NRXN3: variants seen among roughly 807,000 people sequenced by gnomAD.
NRXN3 encodes neurexin 3.
NRXN3 carries 32 observed loss-of-function variants against 137.6 expected under a neutral mutation model. The observed-to-expected ratio is 0.23, with a 90% confidence interval of 0.18 to 0.31. NRXN3 has a LOEUF of 0.31. Among genes scored for constraint, NRXN3 ranks in the 10% least tolerant of loss-of-function variants. The pLI, the probability that NRXN3 is intolerant of heterozygous loss-of-function variation, is 1.00. For missense variants in NRXN3, 1,574 were observed against 2,062.5 expected (o/e 0.76, Z 4.59); for synonymous variants, 798 against 784.5 (o/e 1.02, Z -0.29).
chr14:79,072,358 GT>G (rs2099688952), intron 15 of NRXN3: 2 of 152,204 alleles, frequency 1.3e-5, no homozygotes. Flanking sequence ...GTGGTTAACA[GT>G]GGTGTCCTGA....
chr14:79,230,866 T>G (rs972410990), intron 15 of NRXN3, among the ~76,000 whole-genome samples: 1 of 152,136 alleles, frequency 6.6e-6, no homozygotes, highest in Non-Finnish European at 1.5e-5. Context: ...AGTCTCCTTT[T>G]ACTCATCTGT....
intron 8 of NRXN3, among the ~76,000 whole-genome samples, chr14:78,771,115 A>G (rs547612466): frequency 8.3e-4 from 127 of 152,200 alleles, no homozygotes; most frequent in Admixed American, 1.6e-3. Flanking sequence ...ATTGTGCAGA[A>G]CCCCTTCAGA....
chr14:79,214,219 T>C lies in NRXN3; in HGVS notation c.3262+226078T>C, dbSNP rs150034867. On this transcript the variant is annotated intron_variant, in intron 15 of 20. Coordinates refer to ENST00000335750, the MANE Select transcript of NRXN3 (RefSeq NM_001330195.2). ...AGAATATATAGAGAGAAGGTGGCAG[T>C]GAGGACAATTCTGTGGTCACCTGGA... 9.9e-4 allele frequency among the ~76,000 whole-genome samples: 151 copies of C among 152,348 alleles called. 2 individuals are homozygous for C. The East Asian group carries it at 0.026, about 26-fold the overall frequency.
intron 1 of NRXN3, among the ~76,000 whole-genome samples, chr14:78,199,897 C>T (rs1289734519): frequency 6.6e-6 from 1 of 152,172 alleles, no homozygotes; most frequent in Non-Finnish European, 1.5e-5. Flanking sequence ...GTGGCTCTCC[C>T]CCTGCAGTGG....
At chr14:79,348,379 T>TTTC (rs2093009938) in intron 15 of NRXN3, among the ~76,000 whole-genome samples, 1 of 37,980 alleles carries the variant, frequency 2.6e-5, no homozygotes, top group East Asian at 5.6e-4. Flanking sequence ...ATCTTCTCTC[T>TTTC]TTTTTTTTTT....
intron 15 of NRXN3, among the ~76,000 whole-genome samples, chr14:79,065,159 A>G (rs951777590): frequency 5.3e-5 from 8 of 152,046 alleles, no homozygotes; most frequent in Admixed American, 2.6e-4. Flanking sequence ...AGTACAGTGT[A>G]CTATGTAAGT....
At chr14:78,689,688 A>G (rs1227833189) in intron 6 of NRXN3, among the ~76,000 whole-genome samples, 4 of 152,172 alleles carry the variant, frequency 2.6e-5, no homozygotes, top group Non-Finnish European at 4.4e-5. Flanking sequence ...TGGTGACTCA[A>G]TATCTTAATA....
intron 8 of NRXN3, among the ~76,000 whole-genome samples, chr14:78,717,933 A>G (rs548255974): frequency 6.6e-6 from 1 of 152,330 alleles, no homozygotes; most frequent in East Asian, 1.9e-4. Flanking sequence ...GGAAGGAGTG[A>G]TGGCCCAGAG....
chr14:78,840,781 G>A (rs915751731), intron 10 of NRXN3, among the ~76,000 whole-genome samples: 2 of 152,120 alleles, frequency 1.3e-5, no homozygotes, highest in East Asian at 1.9e-4. Flanking sequence ...TGCATCACTC[G>A]AAGAGAATTA....
intron 4 of NRXN3, among the ~76,000 whole-genome samples, chr14:78,538,672 G>C (rs1010889664): frequency 6.6e-5 from 6 of 90,872 alleles, no homozygotes; most frequent in African/African-American, 2.1e-4. Flanking sequence ...TGGTGAGAGA[G>C]GGCATCCCTG....
Position 78,967,351 on chromosome 14 carries a change from A to C in NRXN3, c.2921A>C (p.Lys974Thr), listed in dbSNP as rs1567848539. The part of the protein sequence containing the change: ...SNTHSLKVDT[K>T]VVTQVINGAK... The stretch of plus-strand genomic sequence containing the variant: ...ACTCATAGCCTGAAAGTGGACACCA[A>C]AGTGGTCACTCAGGTTATCAATGGT... Residue 974 changes from lysine (K) to threonine (T), a missense_variant, in exon 13 of 21, where the codon AAA becomes ACA. Physicochemically the swap from Lys to Thr is moderately conservative, Grantham distance 78. Transcript: ENST00000335750. The C allele has an allele frequency of 1.8e-5, 29 of 1,613,966 alleles. No homozygotes were observed. The highest frequency in any genetic ancestry group is 2.4e-5 in the Non-Finnish European group (28 of 1,179,888).
chr14:78,653,802 T>C (rs2097765798), intron 6 of NRXN3, among the ~76,000 whole-genome samples: 1 of 151,962 alleles, frequency 6.6e-6, no homozygotes, highest in Non-Finnish European at 1.5e-5. Context: ...TCATTCTGAA[T>C]AGCTTAAAAG....
At chr14:79,053,163 T>G (rs1439247061) in intron 15 of NRXN3, among the ~76,000 whole-genome samples, 4 of 152,184 alleles carry the variant, frequency 2.6e-5, no homozygotes, top group African/African-American at 9.7e-5. Context: ...TACATTTAAT[T>G]GTGGATAGGA....
chr14:79,345,078 T>A (rs1379921686), intron 15 of NRXN3, among the ~76,000 whole-genome samples: 2 of 152,174 alleles, frequency 1.3e-5, no homozygotes, highest in Non-Finnish European at 2.9e-5. Context: ...ACATCTCCAG[T>A]TTAACTGCAT....
chr14:78,842,962 AAC>A (rs1251108031), intron 10 of NRXN3, among the ~76,000 whole-genome samples: 1 of 152,092 alleles, frequency 6.6e-6, no homozygotes, highest in Non-Finnish European at 1.5e-5. Context: ...ATATTGTTCA[AAC>A]ACACATGCTC....
In NRXN3 at chr14:78,771,642, C is replaced by T. The variant is rs77125626; in HGVS notation, c.2045-31978C>T. 4.2e-3 allele frequency among the ~76,000 whole-genome samples: 645 copies of T among 152,232 alleles called. 31 individuals carry two copies. The East Asian group carries it at 0.11, about 27-fold the overall frequency. Reference sequence around the variant, plus strand: ...ATTCCTGGCAATAGGGAGCAACCTGCAGACAGGGAATAAGAATGTACACAG... The same window carrying T: ...ATTCCTGGCAATAGGGAGCAACCTGTAGACAGGGAATAAGAATGTACACAG... On this transcript the variant is annotated intron_variant, in intron 8 of 20. Coordinates refer to ENST00000335750, the MANE Select transcript of NRXN3 (RefSeq NM_001330195.2).
chr14:79,549,135 G>A (rs994154674), intron 16 of NRXN3, among the ~76,000 whole-genome samples: 1 of 152,066 alleles, frequency 6.6e-6, no homozygotes, highest in Non-Finnish European at 1.5e-5. Flanking sequence ...CTAATCATGG[G>A]TCATTTATCT....
intron 15 of NRXN3, among the ~76,000 whole-genome samples, chr14:79,334,977 C>A (rs2092132009): frequency 6.6e-6 from 1 of 152,050 alleles, no homozygotes; most frequent in Admixed American, 6.6e-5. Context: ...GGCCCTAGAG[C>A]CAAATAAATA....
chr14:78,238,015 T>C (rs2066547516), intron 1 of NRXN3, among the ~76,000 whole-genome samples: 2 of 151,900 alleles, frequency 1.3e-5, no homozygotes, highest in African/African-American at 4.8e-5. Context: ...CAAGCTCAGC[T>C]AAAGCTCCAG....
Sources: allele counts gnomAD v4.1 joint callset (sites outside exome capture counted in the v4.1 genomes callset), GRCh38; gene constraint gnomAD v4.1.1; transcripts MANE v1.5; gene names NCBI Gene and HGNC (gene_info 2026-07-23, HGNC 2026-07-21).